Variants in NIPA1 observed in about 807,000 individuals in gnomAD.
The protein encoded by NIPA1 is magnesium transporter NIPA1.
Under a neutral mutation model 23.9 loss-of-function variants are expected in NIPA1, and 13 were observed. The ratio of observed to expected loss-of-function variants is 0.54; its 90% confidence interval spans 0.35 to 0.87. NIPA1 has a LOEUF of 0.87. NIPA1 is among the 40% of genes least tolerant of loss of function. NIPA1 has a pLI of 0.01. For synonymous variants in NIPA1, 234 were observed against 202.9 expected, an observed-to-expected ratio of 1.15 and a Z score of -1.30; for missense variants, 362 against 429.7, an observed-to-expected ratio of 0.84 and a Z score of 1.39.
At chr15:22,821,452 A>G (rs1283567075) in intron 4 of NIPA1, among the ~76,000 whole-genome samples, 3 of 151,568 alleles carry the variant, frequency 2.0e-5, no homozygotes, top group African/African-American at 7.3e-5. Flanking sequence ...TTGCATGTCC[A>G]TACTCGCTGG....
chr15:22,824,160 G>T lies in NIPA1; in HGVS notation c.911G>T (p.Gly304Val). 1.2e-6 allele frequency: 2 copies of T among 1,613,604 alleles called. No individual in the cohort carries two copies. The highest frequency in any genetic ancestry group is 1.7e-6 in the Non-Finnish European group (2 of 1,179,470). ...MACGFTTVSV[G>V]IVLIQVFKEF... ...TGTGGATTCACGACCGTCTCCGTGG[G>T]GATTGTCCTTATACAGGTGTTCAAA... Residue 304 changes from glycine (G) to valine (V), a missense_variant, in exon 5 of 5, where the codon GGG (glycine) becomes GTG (valine). Around this residue, in one of 2 missense-constraint regions of NIPA1, gnomAD observed 277 missense variants for 372.0 expected, o/e 0.74. Coordinates refer to ENST00000337435, the MANE Select transcript of NIPA1 (RefSeq NM_144599.5). This position sits in a 1 kb window ranked among gnomAD's most constrained non-coding sequence, Gnocchi z 4.1.
At chr15:22,813,275 T>C (rs973987855) in intron 3 of NIPA1, among the ~76,000 whole-genome samples, 9 of 152,156 alleles carry the variant, frequency 5.9e-5, no homozygotes, top group Non-Finnish European at 8.8e-5. Context: ...AGGCTTCTTT[T>C]TAAATTTTAA....
intron 1 of NIPA1, among the ~76,000 whole-genome samples, chr15:22,801,347 C>T (rs1375439288): frequency 6.6e-6 from 1 of 151,910 alleles, no homozygotes; most frequent in Admixed American, 6.6e-5. Flanking sequence ...TGACATCTAC[C>T]CGTCATGTAT....
intron 3 of NIPA1, chr15:22,813,661 G>C (rs1895361023): frequency 2.2e-6 from 1 of 455,926 alleles, no homozygotes; most frequent in Non-Finnish European, 4.4e-6. Context: ...GCAGAGAAGT[G>C]TGTCCATGAT....
intron 2 of NIPA1, 62 bp from the exon 3 acceptor site, chr15:22,812,101 G>A: frequency 4.9e-6 from 6 of 1,223,862 alleles, no homozygotes; most frequent in Non-Finnish European, 7.2e-6. Context: ...TAATTCAACT[G>A]TGATCAGTGC....
At chr15:22,794,758 C>T (rs1894907031) in intron 1 of NIPA1, among the ~76,000 whole-genome samples, 1 of 152,120 alleles carries the variant, frequency 6.6e-6, no homozygotes, top group Non-Finnish European at 1.5e-5. Context: ...TACCTGGGCA[C>T]GCTCCCGTCC....
chr15:22,791,687 T>C (rs1034433136), intron 1 of NIPA1, among the ~76,000 whole-genome samples: 15 of 151,912 alleles, frequency 9.9e-5, no homozygotes, highest in African/African-American at 3.6e-4. Flanking sequence ...TTTCACCATA[T>C]TGGCCAGGCT....
intron 1 of NIPA1, among the ~76,000 whole-genome samples, chr15:22,789,569 G>A (rs948844064): frequency 1.8e-4 from 27 of 152,144 alleles, no homozygotes; most frequent in African/African-American, 6.5e-4. Flanking sequence ...GAGAGAAAAG[G>A]AGAAGAAAAC....
Position 22,790,567 on chromosome 15 carries a change from C to T in NIPA1, c.178+3733C>T, listed in dbSNP as rs1204133257. On this transcript the variant is annotated intron_variant, in intron 1 of 4. Coordinates refer to ENST00000337435, the MANE Select transcript of NIPA1 (RefSeq NM_144599.5). ...GAGTAGTTGGGTTATAGGCATGCACCACCACGCCTGGCTAATTTTGTGTTT... is the reference window on the plus strand; with the variant it reads ...GAGTAGTTGGGTTATAGGCATGCACTACCACGCCTGGCTAATTTTGTGTTT... 6.6e-5 allele frequency among the ~76,000 whole-genome samples: 10 copies of T among 152,054 alleles called. No individual in the cohort carries two copies. In the East Asian group the frequency reaches 1.7e-3, roughly 26 times the overall value.
At chr15:22,822,181 A>C (rs1177123801) in intron 4 of NIPA1, among the ~76,000 whole-genome samples, 2 of 152,234 alleles carry the variant, frequency 1.3e-5, no homozygotes, top group Non-Finnish European at 2.9e-5. Context: ...CCCTCAATTT[A>C]CATGGAAGTG....
rs1363756121 is a variant in NIPA1, at chr15:22,826,100, C to T, written c.*1861C>T. The T allele has an allele frequency of 1.3e-5, 2 of 151,892 alleles. No individual in the cohort carries two copies. The highest frequency in any genetic ancestry group is 4.8e-5 in the African/African-American group (2 of 41,344). The allele number at this position is 151,892 out of a possible 1,614,324, so 9.4% of individuals were successfully genotyped here. ...AAGAAAAAAAATGTGTTTTTGTAGG[C>T]AAAAAGAACATTTCTAAAGTCTCAA... is the stretch of plus-strand genomic sequence containing the variant. On this transcript the variant is annotated 3_prime_UTR_variant, in exon 5 of 5. Coordinates refer to ENST00000337435, the MANE Select transcript of NIPA1 (RefSeq NM_144599.5).
chr15:22,812,094 T>TTCAACTGTGA, intron 2 of NIPA1, 69 bp from the exon 3 acceptor site: 1 of 1,174,602 alleles, frequency 8.5e-7, no homozygotes, highest in Non-Finnish European at 1.3e-6. Flanking sequence ...CCTAGCGTAA[T>TTCAACTGTGA]TCAACTGTGA....
rs751391752 is a variant in NIPA1 at position 22,812,203 on chromosome 15, G to T, written c.267G>T (p.Ala89=). The T allele has an allele frequency of 6.2e-7, 1 of 1,613,838 alleles. No homozygotes were observed. The highest frequency in any genetic ancestry group is 8.5e-7 in the Non-Finnish European group (1 of 1,179,810). The part of the protein sequence containing the change: ...GQIGNFLAYT[A]VPTVLVTPLG... ...TTGGAAACTTCCTGGCTTACACGGC[G>T]GTCCCCACGGTCCTGGTAACCCCCC... Residue 89 remains alanine (A), a synonymous_variant, in exon 3 of 5, where the codon GCG becomes GCT. Coordinates refer to ENST00000337435, the MANE Select transcript of NIPA1 (RefSeq NM_144599.5).
intron 1 of NIPA1, among the ~76,000 whole-genome samples, chr15:22,791,717 C>T (rs1032711140): frequency 3.9e-5 from 6 of 151,922 alleles, no homozygotes; most frequent in South Asian, 2.1e-4. Context: ...CCACCCGCCT[C>T]GACCTCCCAA....
rs965266296 is a variant in NIPA1, at chr15:22,805,962, C to T, written c.179-4787C>T. 5.9e-5 allele frequency among the ~76,000 whole-genome samples: 9 copies of T among 151,968 alleles called. No homozygotes were observed. In the South Asian group the frequency reaches 1.2e-3, roughly 21 times the overall value. On this transcript the variant is annotated intron_variant, in intron 1 of 4. Coordinates refer to ENST00000337435, the MANE Select transcript of NIPA1 (RefSeq NM_144599.5). ...ATTTTGGGATGGAGTCTCACTCTGTCGCCCAGGCTGGAGTGCAGTGGCGCG... is the reference window on the plus strand; with the variant it reads ...ATTTTGGGATGGAGTCTCACTCTGTTGCCCAGGCTGGAGTGCAGTGGCGCG...
At chr15:22,808,040 C>G (rs183096152) in intron 1 of NIPA1, among the ~76,000 whole-genome samples, 1 of 152,028 alleles carries the variant, frequency 6.6e-6, no homozygotes, top group South Asian at 2.1e-4. Flanking sequence ...CCACCAACTT[C>G]GGCCTCGCAA....
At chr15:22,813,834 C>T in intron 3 of NIPA1, 12 of 389,256 alleles carry the variant, frequency 3.1e-5, no homozygotes, top group South Asian at 1.5e-4. Flanking sequence ...CTTTGTGTTT[C>T]GGATGGCTCT....
chr15:22,804,781 G>A (rs1046950428), intron 1 of NIPA1, among the ~76,000 whole-genome samples: 1 of 152,080 alleles, frequency 6.6e-6, no homozygotes, highest in Non-Finnish European at 1.5e-5. Context: ...ACTCTATTCC[G>A]TTGTGTTTGT....
At chr15:22,788,508 A>AAAAAAAAAAAAAAAAAAAC (rs1894760120) in intron 1 of NIPA1, among the ~76,000 whole-genome samples, 1 of 151,298 alleles carries the variant, frequency 6.6e-6, no homozygotes, top group African/African-American at 2.4e-5. Context: ...CAAAAAAAAA[A>AAAAAAAAAAAAAAAAAAAC]AAAAAAATCT....
Sources: gnomAD v4.1 joint callset for allele counts (sites outside exome capture counted in the v4.1 genomes callset) on GRCh38, gnomAD v4.1.1 for gene constraint, gnomAD v4.1.1 regional missense constraint, Gnocchi (gnomAD v3.1) non-coding constraint, MANE v1.5 for transcripts, NCBI Gene and HGNC (gene_info 2026-07-23, HGNC 2026-07-21) for gene names.